Variants in CEP41 observed in about 807,000 individuals in gnomAD.
The protein encoded by CEP41 is centrosomal protein of 41 kDa.
In CEP41, 32 loss-of-function variants were observed where a neutral mutation model predicts 44.3. The ratio of observed to expected loss-of-function variants is 0.72; its 90% CI spans 0.54 to 0.97. CEP41 has a LOEUF of 0.97. Ranked by LOEUF, CEP41 falls within the 50% of genes least tolerant of loss-of-function variation. CEP41 has a pLI of 0.00. For synonymous variants in CEP41, 151 were observed against 168.5 expected (o/e 0.90, Z 0.80); for missense variants, 432 against 455.2 (o/e 0.95, Z 0.46).
At chr7:130,414,711 T>C (rs1456002042) in intron 3 of CEP41, among the ~76,000 whole-genome samples, 3 of 152,212 alleles carry the variant, frequency 2.0e-5, no homozygotes, top group African/African-American at 7.2e-5. Flanking sequence ...CAGCCGTCAG[T>C]AGGACTTTTT....
intron 2 of CEP41, chr7:130,419,438 G>A (rs1797433175): frequency 2.0e-6 from 2 of 985,022 alleles, no homozygotes; most frequent in Non-Finnish European, 2.4e-6. Context: ...CTATCTTACT[G>A]TATCTAATTG....
chr7:130,437,764 CAAAAAAA>C lies in CEP41; in HGVS notation c.33+3163_33+3169del, dbSNP rs1171735164. ...CCTGGGTGACAAAGCAAGACTGTCT[CAAAAAAA>C]AAAAAAAAAAAAAAAAAGAAAAAGA... On this transcript the variant is annotated intron_variant, in intron 1 of 10. Coordinates refer to ENST00000223208, the MANE Select transcript of CEP41 (RefSeq NM_018718.3). 3.0e-3 allele frequency among the ~76,000 whole-genome samples: 97 copies of C among 32,408 alleles called. No homozygotes were observed. The South Asian group carries it at 0.094, about 31-fold the overall frequency. 21.3% of individuals were successfully genotyped at this position (32,408 alleles called of 152,430 possible).
intron 5 of CEP41, among the ~76,000 whole-genome samples, chr7:130,409,817 C>A (rs142409315): frequency 4.3e-4 from 66 of 152,188 alleles, no homozygotes; most frequent in African/African-American, 1.4e-3. Flanking sequence ...GTCTTTCTAG[C>A]CTTATCTCCT....
Position 130,396,683 on chromosome 7 carries a change from T to A in CEP41, c.*2208A>T. ...TCGAGCACGTAAAGAATGTTTGATA[T>A]TAACACTTAACATGCAAAACGCAGA... On this transcript the variant is annotated 3_prime_UTR_variant, in exon 11 of 11. Transcript: ENST00000223208. 1 of 454,576 alleles carries A rather than the reference T, an allele frequency of 2.2e-6. No homozygotes were observed. Among genetic ancestry groups the A allele is most frequent in the Non-Finnish European group, 4.4e-6 (1 of 226,798 alleles). 28.2% of individuals were successfully genotyped at this position (454,576 alleles called of 1,614,324 possible).
chr7:130,427,958 T>C lies in CEP41; in HGVS notation c.94A>G (p.Thr32Ala). Residue 32 changes from threonine to alanine, a missense_variant, in exon 2 of 11, where the codon ACT becomes GCT. By Grantham distance (58) the Thr-to-Ala change is moderately conservative. Transcript: ENST00000223208. ...RYQHIKSRLD[T>A]GNSMTKYTEK... ...TAATTTTCTAATCTTTACTCACCAG[T>C]GTCCAGTCTTGATTTGATATGCTGG... 3.8e-6 allele frequency: 6 copies of C among 1,597,482 alleles called. No homozygotes were observed. The highest frequency in any genetic ancestry group is 5.2e-6 in the Non-Finnish European group (6 of 1,164,980).
At chr7:130,415,099 A>C (rs1212429312) in intron 3 of CEP41, among the ~76,000 whole-genome samples, 11 of 152,244 alleles carry the variant, frequency 7.2e-5, no homozygotes, top group African/African-American at 2.7e-4. Context: ...CCCCAGGTAG[A>C]GTTGAAAGAA....
chr7:130,424,645 A>G (rs1253042666), intron 2 of CEP41, among the ~76,000 whole-genome samples: 2 of 152,188 alleles, frequency 1.3e-5, no homozygotes, highest in Admixed American at 6.5e-5. Context: ...CACCAGACCA[A>G]TTGAATATCC....
At chr7:130,411,067 T>C in intron 5 of CEP41, 55 bp downstream of exon 5, 1 of 1,423,922 alleles carries the variant, frequency 7.0e-7, no homozygotes, top group Non-Finnish European at 9.9e-7. Context: ...ACAGGGTGAG[T>C]GTTTCAGTCA....
chr7:130,418,113 T>C (rs565147009), intron 2 of CEP41, among the ~76,000 whole-genome samples: 1 of 152,328 alleles, frequency 6.6e-6, no homozygotes, highest in Non-Finnish European at 1.5e-5. Flanking sequence ...TTTCTTTTTT[T>C]TGGTGTTAAG....
rs782707492 is a variant in CEP41 at position 130,398,750 on chromosome 7, C to T, written c.*141G>A. Reference sequence around the variant, plus strand: ...CTCCTGAGGGGAGAGGAACTGGAGACAGGGACAGGGAAGAGGCCTATCCCA... The same window carrying T: ...CTCCTGAGGGGAGAGGAACTGGAGATAGGGACAGGGAAGAGGCCTATCCCA... On this transcript the variant is annotated 3_prime_UTR_variant, in exon 11 of 11. Coordinates refer to ENST00000223208, the MANE Select transcript of CEP41 (RefSeq NM_018718.3). 2 of 1,019,382 alleles carry T rather than the reference C, an allele frequency of 2.0e-6. No homozygotes were observed. The highest frequency in any genetic ancestry group is 3.4e-5 in the Admixed American group (2 of 59,228). The allele number at this position is 1,019,382 out of a possible 1,614,324, so 63.1% of individuals were successfully genotyped here. A position where few individuals can be genotyped will look rare whatever the true frequency, so the allele number is the denominator to read the frequency against.
chr7:130,418,384 A>C (rs1797399494), intron 2 of CEP41, among the ~76,000 whole-genome samples: 1 of 152,226 alleles, frequency 6.6e-6, no homozygotes, highest in Admixed American at 6.5e-5. Flanking sequence ...TCCTGGACAC[A>C]CATCTCTCCT....
intron 2 of CEP41, among the ~76,000 whole-genome samples, chr7:130,422,167 T>C (rs185389214): frequency 2.6e-5 from 4 of 152,236 alleles, no homozygotes; most frequent in Admixed American, 2.6e-4. Flanking sequence ...AAGAACTCAG[T>C]AGAATGTGAT....
rs377656524 is a variant in CEP41, at chr7:130,400,695, C to A, written c.757+12G>T. 2.0e-5 allele frequency: 31 copies of A among 1,548,922 alleles called. No homozygotes were observed. The African/African-American group carries it at 4.1e-4, about 20-fold the overall frequency. On this transcript the variant is annotated intron_variant, in intron 9 of 10. Transcript: ENST00000223208. Reference sequence around the variant, plus strand: ...GCCTTTGAAGTCCCAAGCAGAGTATCACCTTGCTCACCTCCGGAAAGCATG... The same window carrying A: ...GCCTTTGAAGTCCCAAGCAGAGTATAACCTTGCTCACCTCCGGAAAGCATG...
intron 4 of CEP41, among the ~76,000 whole-genome samples, chr7:130,411,536 T>C (rs1045582990): frequency 2.6e-5 from 4 of 152,246 alleles, no homozygotes; most frequent in African/African-American, 9.6e-5. Flanking sequence ...AATACTGACC[T>C]AGCATAACAT....
chr7:130,403,423 AACCACTACC>A (rs1796915589), intron 6 of CEP41, among the ~76,000 whole-genome samples: 1 of 152,182 alleles, frequency 6.6e-6, no homozygotes, highest in African/African-American at 2.4e-5. Flanking sequence ...TGAGGAAGCT[AACCACTACC>A]ACTAACAGTT....
In CEP41 at chr7:130,404,614, C is replaced by T. The variant is rs1796951841; in HGVS notation, c.372G>A (p.Gln124=). The T allele has an allele frequency of 6.2e-7, 1 of 1,613,742 alleles. No individual in the cohort carries two copies. Reference sequence around the variant, plus strand: ...CCCCTGCTCCTGCGTTGTTTATGAACTGCTCAGGGCTCGGCGACTGCTCAC... The same window carrying T: ...CCCCTGCTCCTGCGTTGTTTATGAATTGCTCAGGGCTCGGCGACTGCTCAC... ...NPGEQSPSPE[Q]FINNAGAGDS... Residue 124 remains glutamine, a synonymous_variant, in exon 6 of 11, where the codon CAG becomes CAA. Transcript: ENST00000223208.
At chr7:130,440,793 CCCTGCATCCCGA>C in intron 1 of CEP41, 129 bp downstream of exon 1, 10 of 689,780 alleles carry the variant, frequency 1.4e-5, no homozygotes, top group South Asian at 5.8e-5. Flanking sequence ...CCCGCCCCGC[CCCTGCATCCCGA>C]CCCCTCCTCA....
At chr7:130,427,804 T>A in intron 2 of CEP41, 151 bp downstream of exon 2, 1 of 596,106 alleles carries the variant, frequency 1.7e-6, no homozygotes, top group Non-Finnish European at 3.0e-6. Context: ...CTGAAAAACA[T>A]CTTTCAAGGA....
intron 2 of CEP41, among the ~76,000 whole-genome samples, chr7:130,423,064 G>A (rs1177171049): frequency 4.6e-5 from 7 of 151,976 alleles, no homozygotes; most frequent in African/African-American, 1.7e-4. Flanking sequence ...CTCCTGCCTC[G>A]GATTCCCAAG....
Sources: gnomAD v4.1 joint callset for allele counts (sites outside exome capture counted in the v4.1 genomes callset) on GRCh38, gnomAD v4.1.1 for gene constraint, MANE v1.5 for transcripts, NCBI Gene and HGNC (gene_info 2026-07-23, HGNC 2026-07-21) for gene names.